The following FAM13A variants were observed in gnomAD, a reference collection of about 807,000 sequenced individuals.
The protein encoded by FAM13A is family with sequence similarity 13 member A.
FAM13A carries 76 observed loss-of-function variants against 129.6 expected under a neutral mutation model. That is an observed-to-expected ratio of 0.59 (90% confidence interval 0.49 to 0.71). FAM13A has a LOEUF of 0.71. Ranked by LOEUF, FAM13A falls within the 30% of genes least tolerant of loss-of-function variation. The pLI is 0.00. For missense variants in FAM13A, 1,108 were observed against 1,249.3 expected (o/e 0.89, Z 1.70); for synonymous variants, 443 against 449.9 (o/e 0.98, Z 0.20).
intron 11 of FAM13A, among the ~76,000 whole-genome samples, chr4:88,772,660 T>TA (rs1720906614): frequency 1.3e-5 from 2 of 152,202 alleles, no homozygotes; most frequent in Admixed American, 6.5e-5. Flanking sequence ...TTAGTACACT[T>TA]AACCTACTGA....
At position 88,734,674 on chromosome 4, in the gene FAM13A, G is replaced by A. The variant is rs1023166961; in HGVS notation, c.2647-2476C>T. Among the ~76,000 whole-genome samples, 34 of 152,152 alleles carry A rather than the reference G, an allele frequency of 2.2e-4. 1 individual carries two copies. Among genetic ancestry groups the A allele is most frequent in the Admixed American group, 2.2e-3 (34 of 15,288 alleles). ...GTCTGGAAACATTTTTGGCTGTCAC[G>A]ACTGGTGAAGGGGTGGTGGTGCCAC... On this transcript the variant is annotated intron_variant, in intron 21 of 23. Transcript: ENST00000264344.
chr4:88,841,532 T>C (rs970047802), intron 7 of FAM13A, among the ~76,000 whole-genome samples: 2 of 146,004 alleles, frequency 1.4e-5, no homozygotes, highest in African/African-American at 2.5e-5. Flanking sequence ...AGACAACCCA[T>C]AGAATATGAG....
At chr4:88,889,275 ATTTG>A (rs1242997711) in intron 6 of FAM13A, among the ~76,000 whole-genome samples, 1 of 152,052 alleles carries the variant, frequency 6.6e-6, no homozygotes, top group Non-Finnish European at 1.5e-5. Context: ...ATGCTGTCTG[ATTTG>A]TATATGGCAA....
At chr4:88,858,741 G>A (rs1738977663) in intron 6 of FAM13A, among the ~76,000 whole-genome samples, 1 of 152,190 alleles carries the variant, frequency 6.6e-6, no homozygotes, top group Non-Finnish European at 1.5e-5. Context: ...ATGGAGGAGG[G>A]GAAGTAACTG....
intron 4 of FAM13A, among the ~76,000 whole-genome samples, chr4:88,945,094 TAG>T (rs1034042359): frequency 6.6e-6 from 1 of 152,146 alleles, no homozygotes; most frequent in African/African-American, 2.4e-5. Context: ...GGAGTGACTG[TAG>T]AGAGAAACAT....
intron 4 of FAM13A, among the ~76,000 whole-genome samples, chr4:88,953,053 T>G (rs1579463458): frequency 6.6e-6 from 1 of 152,314 alleles, no homozygotes; most frequent in Admixed American, 6.5e-5. Flanking sequence ...AATTAACATC[T>G]TATACAACTC....
rs1258078245 is a variant in FAM13A at position 88,727,021 on chromosome 4, C to T, written c.*1512G>A. 7 of 152,308 alleles carry T rather than the reference C, an allele frequency of 4.6e-5. No individual in the cohort carries two copies. Among genetic ancestry groups the T allele is most frequent in the Admixed American group, 4.6e-4 (7 of 15,284 alleles). The allele number at this position is 152,308 out of a possible 1,614,324, so 9.4% of individuals were successfully genotyped here. The stretch of plus-strand genomic sequence containing the variant: ...TTGGACCAGCCAGTTTCTCACGACC[C>T]TTTAAAACTGAAAACGGGTCAGTAT... On this transcript the variant is annotated 3_prime_UTR_variant, in exon 24 of 24. Coordinates refer to ENST00000264344, the MANE Select transcript of FAM13A (RefSeq NM_014883.4).
At chr4:88,963,934 G>A (rs1439138331) in intron 4 of FAM13A, among the ~76,000 whole-genome samples, 4 of 152,136 alleles carry the variant, frequency 2.6e-5, no homozygotes, top group African/African-American at 9.7e-5. Context: ...TAAACAGTTT[G>A]GGGTACAGTA....
chr4:88,942,521 C>T (rs1405494851), intron 4 of FAM13A, among the ~76,000 whole-genome samples: 1 of 151,486 alleles, frequency 6.6e-6, no homozygotes, highest in African/African-American at 2.4e-5. Context: ...GAGCCGAGAT[C>T]ACGCCGTTGC....
In FAM13A at chr4:88,875,697, T is replaced by C. The variant is rs536587437; in HGVS notation, c.844-24514A>G. On this transcript the variant is annotated intron_variant, in intron 6 of 23. Coordinates refer to ENST00000264344, the MANE Select transcript of FAM13A (RefSeq NM_014883.4). ...AACACTTTTACACTGTTGGTGGGAC[T>C]GTAAACTAGTTCAGCCATTGTGGAA... Among the ~76,000 whole-genome samples, 115 of 152,354 alleles carry C rather than the reference T, an allele frequency of 7.5e-4. 1 individual carries two copies. The highest frequency in any genetic ancestry group is 2.7e-3 in the African/African-American group (112 of 41,596).
chr4:88,775,353 G>A (rs1721479471), intron 11 of FAM13A, among the ~76,000 whole-genome samples: 2 of 152,146 alleles, frequency 1.3e-5, no homozygotes, highest in Non-Finnish European at 2.9e-5. Context: ...TGGGGTTGGA[G>A]TTCGGGTTGG....
chr4:89,028,611 A>C (rs892112067), intron 2 of FAM13A, among the ~76,000 whole-genome samples: 10 of 152,176 alleles, frequency 6.6e-5, no homozygotes, highest in African/African-American at 2.2e-4. Flanking sequence ...AGATCACTTG[A>C]GCCCTGAAGT....
chr4:88,850,594 C>T lies in FAM13A; in HGVS notation c.1007+426G>A, dbSNP rs1271904444. 3.9e-5 allele frequency among the ~76,000 whole-genome samples: 6 copies of T among 152,076 alleles called. No individual in the cohort carries two copies. In the East Asian group the frequency reaches 1.2e-3, roughly 29 times the overall value. On this transcript the variant is annotated intron_variant, in intron 7 of 23. Transcript: ENST00000264344. ...TGCAGTTTTTTTTCTTCGAGTATAC[C>T]AGAGAAGTCTGCTTTCAGTTATAAT...
chr4:88,795,106 A>C (rs924645316), intron 8 of FAM13A, among the ~76,000 whole-genome samples: 10 of 151,696 alleles, frequency 6.6e-5, no homozygotes, highest in African/African-American at 2.2e-4. Flanking sequence ...TGGTATTTAA[A>C]CTCTGATAAA....
chr4:88,744,512 T>C lies in FAM13A; in HGVS notation c.2466+2420A>G, dbSNP rs115145575. Among the ~76,000 whole-genome samples the C allele has an allele frequency of 4.3e-3, 660 of 152,290 alleles. 10 individuals are homozygous for C. The highest frequency in any genetic ancestry group is 0.015 in the African/African-American group (627 of 41,550). On this transcript the variant is annotated intron_variant, in intron 19 of 23. Coordinates refer to ENST00000264344, the MANE Select transcript of FAM13A (RefSeq NM_014883.4). Reference sequence around the variant, plus strand: ...GAAGCGGCTGATTACAGTTTTGGCCTAAGATTTTAGTAGTTAGTGCCCTTT... The same window carrying C: ...GAAGCGGCTGATTACAGTTTTGGCCCAAGATTTTAGTAGTTAGTGCCCTTT...
intron 6 of FAM13A, among the ~76,000 whole-genome samples, chr4:88,876,819 C>G (rs1742598326): frequency 6.6e-6 from 1 of 152,126 alleles, no homozygotes; most frequent in Admixed American, 6.5e-5. Flanking sequence ...TCTCGATTTC[C>G]TGACCTCGTG....
At chr4:88,825,463 T>C (rs1284881552) in intron 7 of FAM13A, among the ~76,000 whole-genome samples, 6 of 152,074 alleles carry the variant, frequency 3.9e-5, no homozygotes, top group Non-Finnish European at 5.9e-5. Flanking sequence ...ATGATCCACC[T>C]GCCTCAGCCT....
At chr4:88,926,099 C>T (rs1214403056) in intron 5 of FAM13A, among the ~76,000 whole-genome samples, 1 of 152,050 alleles carries the variant, frequency 6.6e-6, no homozygotes, top group African/African-American at 2.4e-5. Flanking sequence ...CACAGTGGTT[C>T]TGAAGCTTAA....
Position 89,057,106 on chromosome 4 carries a change from G to C in FAM13A, c.-142C>G. On this transcript the variant is annotated 5_prime_UTR_variant, in exon 1 of 24. Coordinates refer to ENST00000264344, the MANE Select transcript of FAM13A (RefSeq NM_014883.4). ...GCAAAGGCCCCAAGGTAAGCGAAGAGCAGCTTCTAACATTTTAGGAAGAGT... is the reference window on the plus strand; with the variant it reads ...GCAAAGGCCCCAAGGTAAGCGAAGACCAGCTTCTAACATTTTAGGAAGAGT... 6.8e-7 allele frequency: 1 copy of C among 1,479,144 alleles called. No individual in the cohort carries two copies. Among genetic ancestry groups the C allele is most frequent in the Non-Finnish European group, 8.9e-7 (1 of 1,117,922 alleles). The allele number at this position is 1,479,144 out of a possible 1,614,324, so 91.6% of individuals were successfully genotyped here.
Sources: gnomAD v4.1 joint callset for allele counts (sites outside exome capture counted in the v4.1 genomes callset) on GRCh38, gnomAD v4.1.1 for gene constraint, MANE v1.5 for transcripts, NCBI Gene and HGNC (gene_info 2026-07-23, HGNC 2026-07-21) for gene names.